NDUFAB1: variants seen among roughly 807,000 people sequenced by gnomAD.
NDUFAB1 encodes the protein acyl carrier protein, mitochondrial.
NDUFAB1 carries 5 observed loss-of-function variants against 16.1 expected under a neutral mutation model. That is an observed-to-expected ratio of 0.31 (90% CI 0.16 to 0.65). The LOEUF (loss-of-function observed/expected upper bound fraction) is 0.65. Among genes scored for constraint, NDUFAB1 ranks in the 30% least tolerant of loss-of-function variants. The probability of loss-of-function intolerance (pLI) is 0.77; values close to 1 mark genes in which losing one functional copy is unlikely to be tolerated. For synonymous variants in NDUFAB1, 85 were observed against 78.4 expected, an observed-to-expected ratio of 1.08 and a Z score of -0.44; for missense variants, 187 against 205.3, an observed-to-expected ratio of 0.91 and a Z score of 0.54.
At chr16:23,590,798 G>C (rs1966273640) in intron 1 of NDUFAB1, 1 of 151,994 alleles carries the variant, frequency 6.6e-6, no homozygotes. Context: ...CACCATGCCT[G>C]GCTAATTTCT....
intron 1 of NDUFAB1, among the ~76,000 whole-genome samples, chr16:23,594,711 C>G (rs886088114): frequency 7.3e-5 from 11 of 149,960 alleles, no homozygotes; most frequent in Non-Finnish European, 1.2e-4. Flanking sequence ...GGGTCTCAAA[C>G]TCCTGGGCTC....
At chr16:23,592,557 T>C (rs1966289682) in intron 1 of NDUFAB1, among the ~76,000 whole-genome samples, 1 of 152,114 alleles carries the variant, frequency 6.6e-6, no homozygotes, top group Admixed American at 6.6e-5. Flanking sequence ...ACAAGTGCTG[T>C]CTTCATCTGC....
In NDUFAB1 at chr16:23,596,182, AGAGAGCGGTGCT is replaced by A. The variant is rs765936871; in HGVS notation, c.97_108del (p.Ser33_Leu36del). ...AGCCTCGTCTGGGTCCCCGCGGAGC[AGAGAGCGGTGCT>A]GAGAGGCCGGGCCACGGCCAGCATC... On this transcript the variant is annotated inframe_deletion, in exon 1 of 5. Transcript: ENST00000007516. 1.2e-6 allele frequency: 2 copies of A among 1,611,170 alleles called. No homozygotes were observed. The highest frequency in any genetic ancestry group is 2.7e-5 in the African/African-American group (2 of 74,592).
At chr16:23,587,629 G>A (rs193272696) in intron 1 of NDUFAB1, among the ~76,000 whole-genome samples, 2 of 152,330 alleles carry the variant, frequency 1.3e-5, no homozygotes, top group South Asian at 2.1e-4. Context: ...ATTGTCTAGC[G>A]TCTGCAGAAT....
chr16:23,587,187 C>T lies in NDUFAB1; in HGVS notation c.291+10G>A, dbSNP rs548284530. ...ATTTAAAGAAAAAAATTCAAACCAC[C>T]ATCAGTTACCTTCTCTGGGTCAATC... is the stretch of plus-strand genomic sequence containing the variant. On this transcript the variant is annotated intron_variant, in intron 2 of 4. Transcript: ENST00000007516. 10 of 1,606,378 alleles carry T rather than the reference C, an allele frequency of 6.2e-6. No homozygotes were observed. The highest frequency in any genetic ancestry group is 1.3e-5 in the African/African-American group (1 of 74,388).
chr16:23,592,636 G>A (rs901156972), intron 1 of NDUFAB1, among the ~76,000 whole-genome samples: 1 of 133,230 alleles, frequency 7.5e-6, no homozygotes, highest in Non-Finnish European at 1.7e-5. Context: ...TAGATTCGGG[G>A]CCTACCTGGA....
In NDUFAB1 at chr16:23,596,281, G is replaced by A. The variant is rs1231014967; in HGVS notation, c.10C>T (p.Arg4Cys). The change falls in exon 1 of 5, where the codon CGT becomes TGT. Residue 4 changes from arginine (R) to cysteine (C), a missense_variant. Physicochemically the swap from Arg to Cys is radical, Grantham distance 180. This residue lies in a region of NDUFAB1 where 135 missense variants were observed against 129.4 expected (regional missense o/e 1.04). Transcript: ENST00000007516. Reference protein sequence around the residue: MASRVLSAYVSRLP... With the variant: MASCVLSAYVSRLP... ...CGGCTGACATAGGCTGAAAGGACAC[G>A]AGACGCCATGGCTACGCCAACCCAG... is the stretch of plus-strand genomic sequence containing the variant. 3.8e-6 allele frequency: 6 copies of A among 1,565,788 alleles called. No individual in the cohort carries two copies. The highest frequency in any genetic ancestry group is 2.4e-5 in the East Asian group (1 of 41,078).
At chr16:23,594,927 G>A (rs933089559) in intron 1 of NDUFAB1, among the ~76,000 whole-genome samples, 6 of 151,862 alleles carry the variant, frequency 4.0e-5, no homozygotes, top group African/African-American at 1.2e-4. Context: ...ATTCCCAACT[G>A]CACTTCAGAG....
chr16:23,586,491 C>A (rs562121186), intron 2 of NDUFAB1, among the ~76,000 whole-genome samples: 1 of 150,330 alleles, frequency 6.7e-6, no homozygotes, highest in Non-Finnish European at 1.5e-5. Flanking sequence ...TCTGCCACCA[C>A]GCCTGTCTAA....
intron 2 of NDUFAB1, among the ~76,000 whole-genome samples, chr16:23,586,876 G>T (rs1043404624): frequency 6.8e-6 from 1 of 147,198 alleles, no homozygotes; most frequent in African/African-American, 2.5e-5. Flanking sequence ...TTGAATTCCC[G>T]ACCTCAGGTG....
intron 3 of NDUFAB1, among the ~76,000 whole-genome samples, chr16:23,583,632 A>G (rs541263482): frequency 0.045 from 5,646 of 126,060 alleles, 571 homozygotes; most frequent in African/African-American, 0.092. Flanking sequence ...GCCCCGTCTG[A>G]GAAGTGAGGA....
intron 3 of NDUFAB1, among the ~76,000 whole-genome samples, chr16:23,584,250 T>TAAAAAAAAAAAAAAA (rs1966211519): frequency 1.5e-4 from 1 of 6,474 alleles, no homozygotes; most frequent in African/African-American, 6.1e-4. Flanking sequence ...CCAAGAATGA[T>TAAAAAAAAAAAAAAA]CAATTAAAAA....
intron 1 of NDUFAB1, 89 bp downstream of exon 1, chr16:23,596,034 A>C (rs990022851): frequency 6.8e-7 from 1 of 1,465,888 alleles, no homozygotes. Flanking sequence ...CCCTGCCTGC[A>C]GCTGGCGCGC....
intron 1 of NDUFAB1, 116 bp downstream of exon 1, chr16:23,596,007 G>T: frequency 1.6e-6 from 2 of 1,271,494 alleles, no homozygotes; most frequent in Non-Finnish European, 2.1e-6. Context: ...GAGCGAGCCG[G>T]CTGCCCCCCG....
intron 1 of NDUFAB1, among the ~76,000 whole-genome samples, chr16:23,588,143 A>G (rs1221868139): frequency 6.6e-6 from 1 of 152,188 alleles, no homozygotes; most frequent in Non-Finnish European, 1.5e-5. Flanking sequence ...GGTATCTGGC[A>G]GTTTTGCTCA....
rs1028288818 is a variant in NDUFAB1 at position 23,595,568 on chromosome 16, T to C, written c.168+555A>G. Reference sequence around the variant, plus strand: ...AAGTGGACCCGCGCAATTCAAATCCTTATTGGTCAAAGGTCACTTGGCTTG... The same window carrying C: ...AAGTGGACCCGCGCAATTCAAATCCCTATTGGTCAAAGGTCACTTGGCTTG... On this transcript the variant is annotated intron_variant, in intron 1 of 4. Coordinates refer to ENST00000007516, the MANE Select transcript of NDUFAB1 (RefSeq NM_005003.3). 1.2e-4 allele frequency: 53 copies of C among 455,820 alleles called. No individual in the cohort carries two copies. In the Admixed American group the frequency reaches 1.2e-3, roughly 11 times the overall value. The allele number at this position is 455,820 out of a possible 1,614,324, so 28.2% of individuals were successfully genotyped here. A position where few individuals can be genotyped will look rare whatever the true frequency, so the allele number is the denominator to read the frequency against.
At chr16:23,586,884 G>A (rs2142234484) in intron 2 of NDUFAB1, among the ~76,000 whole-genome samples, 1 of 144,296 alleles carries the variant, frequency 6.9e-6, no homozygotes, top group Admixed American at 6.9e-5. Flanking sequence ...CCGACCTCAG[G>A]TGATCCGCCC....
rs75041958 is a variant in NDUFAB1, at chr16:23,584,617, C to G, written c.379+719G>C. On this transcript the variant is annotated intron_variant, in intron 3 of 4. Transcript: ENST00000007516. The stretch of plus-strand genomic sequence containing the variant: ...CTGGGGTTCCTACTATTATCACCCC[C>G]ACTTTACAGCTGAGGAAACAGGCTT... Among the ~76,000 whole-genome samples the G allele has an allele frequency of 4.0e-4, 61 of 152,244 alleles. No homozygotes were observed. The East Asian group carries it at 0.011, about 28-fold the overall frequency.
chr16:23,592,349 A>G (rs905155451), intron 1 of NDUFAB1, among the ~76,000 whole-genome samples: 11 of 151,914 alleles, frequency 7.2e-5, no homozygotes, highest in African/African-American at 2.7e-4. Flanking sequence ...GGAAAAAAAA[A>G]AAAAAAAAAA....
Sources: gnomAD v4.1 joint callset for allele counts (sites outside exome capture counted in the v4.1 genomes callset) on GRCh38, gnomAD v4.1.1 for gene constraint, gnomAD v4.1.1 regional missense constraint, MANE v1.5 for transcripts, NCBI Gene and HGNC (gene_info 2026-07-23, HGNC 2026-07-21) for gene names.